Variants in THOC5 observed in about 807,000 individuals in gnomAD.
THOC5 encodes the protein THO complex subunit 5, also known as Fms-interacting protein.
THOC5 carries 43 observed loss-of-function variants against 92.9 expected under a neutral mutation model. That is an observed-to-expected ratio of 0.46 (90% CI 0.36 to 0.60). The LOEUF (loss-of-function observed/expected upper bound fraction) is 0.60, where lower values mean the gene tolerates loss of function less well. Among genes scored for constraint, THOC5 ranks in the 20% least tolerant of loss-of-function variants. THOC5 has a pLI of 0.00. For synonymous variants in THOC5, 296 were observed against 320.1 expected, an observed-to-expected ratio of 0.92 and a Z score of 0.80; for missense variants, 659 against 849.4, an observed-to-expected ratio of 0.78 and a Z score of 2.79.
chr22:29,517,498 G>A, intron 15 of THOC5, 132 bp from the exon 16 acceptor site: 1 of 717,184 alleles, frequency 1.4e-6, no homozygotes, highest in South Asian at 1.8e-5. Context: ...TGGTACTCAG[G>A]AAGTACCCAG....
rs764589498 is a variant in THOC5, at chr22:29,525,853, G to T, written c.1160C>A (p.Thr387Asn). The T allele has an allele frequency of 1.2e-6, 2 of 1,613,848 alleles. No homozygotes were observed. The highest frequency in any genetic ancestry group is 1.7e-5 in the Admixed American group (1 of 60,010). The change falls in exon 12 of 20, where the codon ACC becomes AAC. Residue 387 changes from threonine (T) to asparagine (N), a missense_variant. Thr to Asn is a moderately conservative substitution (Grantham distance 65). Coordinates refer to ENST00000490103, the MANE Select transcript of THOC5 (RefSeq NM_003678.5). ...TGCTCAATACCCTGCACTGATGGGG[G>T]TGATCAGCTCCATGGCAGTTGTCAC... ...AKVTTAMELITPISAGDLLSP... is the reference protein window; with the variant it reads ...AKVTTAMELINPISAGDLLSP...
chr22:29,539,278 G>A, intron 6 of THOC5, 52 bp downstream of exon 6: 2 of 1,585,022 alleles, frequency 1.3e-6, no homozygotes, highest in Non-Finnish European at 1.7e-6. Context: ...CCTGGGTCAT[G>A]ACAAAGCACT....
chr22:29,525,980 C>A (rs373251445), intron 11 of THOC5, 34 bp from the exon 12 acceptor site: 493 of 1,523,774 alleles, frequency 3.2e-4, no homozygotes, highest in Non-Finnish European at 4.1e-4. Flanking sequence ...ATTTATGAGT[C>A]AAAACACTCA....
intron 2 of THOC5, among the ~76,000 whole-genome samples, chr22:29,545,997 T>C (rs1448976426): frequency 1.3e-5 from 2 of 152,228 alleles, no homozygotes; most frequent in Non-Finnish European, 2.9e-5. Flanking sequence ...GGCATCCAGG[T>C]GTTTCCGTAC....
In THOC5 at chr22:29,537,762, C is replaced by T. The variant is rs530079009; in HGVS notation, c.600-1024G>A. ...AAAATTAGCTGGGCGTGGTGGCACA[C>T]GCCTTGTAGTCCCAGCTTCTCAGGA... On this transcript the variant is annotated intron_variant, in intron 6 of 19. Coordinates refer to ENST00000490103, the MANE Select transcript of THOC5 (RefSeq NM_003678.5). 9.9e-5 allele frequency among the ~76,000 whole-genome samples: 15 copies of T among 151,790 alleles called. No homozygotes were observed. The South Asian group carries it at 1.9e-3, about 19-fold the overall frequency.
Position 29,517,383 on chromosome 22 carries a change from C to T in THOC5, c.1490-17G>A, listed in dbSNP as rs1049001764. On this transcript the variant is annotated splice_polypyrimidine_tract_variant and intron_variant, in intron 15 of 19. Transcript: ENST00000490103. ...TGCCATGTTCTAAAAGAGAACAAGA[C>T]AGATGACGTCACAGGTAGAAATCAG... is the stretch of plus-strand genomic sequence containing the variant. 2.5e-6 allele frequency: 4 copies of T among 1,608,860 alleles called. No individual in the cohort carries two copies. The highest frequency in any genetic ancestry group is 3.4e-6 in the Non-Finnish European group (4 of 1,176,346).
Position 29,518,934 on chromosome 22 carries a change from T to C in THOC5, c.1489+72A>G, listed in dbSNP as rs546037333. On this transcript the variant is annotated intron_variant, in intron 15 of 19. Transcript: ENST00000490103. ...TTGTCATCAGGATTCAAGTTTTGAG[T>C]GAAAGGCTAAGTTGTTGTTGTCCGT... 17 of 1,011,242 alleles carry C rather than the reference T, an allele frequency of 1.7e-5. No individual in the cohort carries two copies. In the African/African-American group the frequency reaches 2.6e-4, roughly 15 times the overall value. The allele number at this position is 1,011,242 out of a possible 1,614,324, so 62.6% of individuals were successfully genotyped here.
At position 29,528,514 on chromosome 22, in the gene THOC5, C is replaced by T. The variant is rs1014751950; in HGVS notation, c.926-48G>A. 11 of 1,605,174 alleles carry T rather than the reference C, an allele frequency of 6.9e-6. No homozygotes were observed. In the African/African-American group the frequency reaches 9.4e-5, roughly 14 times the overall value. ...GCTAGAGGTGAGGGGGCTCCAAATG[C>T]TCCCTAAAGCACTCCAACCCACATG... On this transcript the variant is annotated intron_variant, in intron 9 of 19. Coordinates refer to ENST00000490103, the MANE Select transcript of THOC5 (RefSeq NM_003678.5).
chr22:29,539,556 A>T, intron 5 of THOC5, 80 bp from the exon 6 acceptor site: 2 of 1,466,978 alleles, frequency 1.4e-6, no homozygotes, highest in Non-Finnish European at 9.3e-7. Flanking sequence ...GTTATCCCCA[A>T]CATATGCCTG....
At chr22:29,528,846 T>C (rs1393984927) in intron 9 of THOC5, 8 of 498,852 alleles carry the variant, frequency 1.6e-5, no homozygotes, top group Non-Finnish European at 2.5e-5. Context: ...TGTATGTGCA[T>C]TACCTTATTT....
chr22:29,547,136 A>G (rs457335), intron 2 of THOC5, among the ~76,000 whole-genome samples: 122,017 of 152,154 alleles, frequency 0.8, 49,215 homozygotes, highest in African/African-American at 0.88. Flanking sequence ...GAGCCACTGC[A>G]CATGGCCCTG....
At position 29,507,540 on chromosome 22, in the gene THOC5, G is replaced by C. The variant is rs1325238991; in HGVS notation, c.*917C>G. 3.3e-5 allele frequency: 5 copies of C among 151,990 alleles called. No individual in the cohort carries two copies. Among genetic ancestry groups the C allele is most frequent in the African/African-American group, 4.8e-5 (2 of 41,386 alleles). 9.4% of individuals were successfully genotyped at this position (151,990 alleles called of 1,614,324 possible). On this transcript the variant is annotated 3_prime_UTR_variant, in exon 20 of 20. Transcript: ENST00000490103. ...CGCTTGGCTAATTTCCATGTTTTTA[G>C]TAGAGACAGGGTTTCACCATGTCGG...
Position 29,528,132 on chromosome 22 carries a change from T to TG in THOC5, c.1011dup (p.Lys338GlnfsTer20). ...AGTGGGTGCCTCTTCAGCATCTCCT[T>TG]GCGTTTGTCGTCCAACTGAACCCCC... On this transcript the variant is annotated frameshift_variant, in exon 11 of 20. Transcript: ENST00000490103. LOFTEE classifies it high-confidence loss of function. 6.2e-7 allele frequency: 1 copy of TG among 1,614,162 alleles called. No homozygotes were observed. Among genetic ancestry groups the TG allele is most frequent in the Non-Finnish European group, 8.5e-7 (1 of 1,180,018 alleles).
intron 13 of THOC5, 44 bp downstream of exon 13, chr22:29,520,954 A>T (rs779993676): frequency 6.7e-7 from 1 of 1,485,802 alleles, no homozygotes; most frequent in East Asian, 2.3e-5. Context: ...CACCAGAGAA[A>T]CTCAGAAGTA....
intron 2 of THOC5, among the ~76,000 whole-genome samples, chr22:29,547,367 T>G (rs1337953640): frequency 6.7e-6 from 1 of 149,308 alleles, no homozygotes; most frequent in African/African-American, 2.5e-5. Flanking sequence ...ATTATCAACT[T>G]TTTTTTTTTT....
intron 5 of THOC5, 59 bp downstream of exon 5, chr22:29,542,800 T>G: frequency 4.4e-6 from 5 of 1,146,378 alleles, no homozygotes; most frequent in Non-Finnish European, 6.4e-6. Context: ...GTGAGCTACA[T>G]GGGAAAAAGC....
At position 29,538,800 on chromosome 22, in the gene THOC5, GGAAA is replaced by G. The variant is rs1186100194; in HGVS notation, c.599+526_599+529del. 3.0e-4 allele frequency among the ~76,000 whole-genome samples: 10 copies of G among 32,998 alleles called. 1 individual carries two copies. Among genetic ancestry groups the G allele is most frequent in the Non-Finnish European group, 3.4e-4 (6 of 17,440 alleles). 21.6% of individuals were successfully genotyped at this position (32,998 alleles called of 152,430 possible). Reference sequence around the variant, plus strand: ...CAATAGAGTGAAACGCCATCTCTTTGGAAAAAAAAAAAAAAAAAAAAAAAAAAGG... The same window carrying G: ...CAATAGAGTGAAACGCCATCTCTTTGAAAAAAAAAAAAAAAAAAAAAAAGG... On this transcript the variant is annotated intron_variant, in intron 6 of 19. Transcript: ENST00000490103.
chr22:29,508,476 C>A lies in THOC5; in HGVS notation c.2033G>T (p.Gly678Val). 6.2e-7 allele frequency: 1 copy of A among 1,614,154 alleles called. No individual in the cohort carries two copies. The highest frequency in any genetic ancestry group is 8.5e-7 in the Non-Finnish European group (1 of 1,180,026). Residue 678 changes from glycine to valine, a missense_variant, in exon 20 of 20, where the codon GGA becomes GTA. Coordinates refer to ENST00000490103, the MANE Select transcript of THOC5 (RefSeq NM_003678.5). ...MKPFKYNHPQGFFSHR is the reference protein window; with the variant it reads ...MKPFKYNHPQVFFSHR ...GGGAGATCAGCGATGGCTGAAGAAT[C>A]CCTGAGGATGGTTGTATTTAAATGG...
Position 29,506,111 on chromosome 22 carries a change from G to T in THOC5, c.*2346C>A, listed in dbSNP as rs1449843127. ...CTGATCTCAGGTGATCCGCCCACCA[G>T]CCTCCCAAAGTACTGATATTAAAGG... On this transcript the variant is annotated 3_prime_UTR_variant, in exon 20 of 20. Coordinates refer to ENST00000490103, the MANE Select transcript of THOC5 (RefSeq NM_003678.5). 1 of 152,104 alleles carries T rather than the reference G, an allele frequency of 6.6e-6. No homozygotes were observed. The highest frequency in any genetic ancestry group is 1.5e-5 in the Non-Finnish European group (1 of 68,038). The allele number at this position is 152,104 out of a possible 1,614,324, so 9.4% of individuals were successfully genotyped here.
Sources: gnomAD v4.1 joint callset for allele counts (sites outside exome capture counted in the v4.1 genomes callset) on GRCh38, gnomAD v4.1.1 for gene constraint, MANE v1.5 for transcripts, NCBI Gene and HGNC (gene_info 2026-07-23, HGNC 2026-07-21) for gene names.